Variants in FAM193A observed in about 807,000 individuals in gnomAD.
The protein encoded by FAM193A is protein FAM193A.
In FAM193A, 22 loss-of-function variants were observed where a neutral mutation model predicts 126.5. The observed-to-expected ratio is 0.17, with a 90% CI of 0.12 to 0.25. The LOEUF is 0.25. Among genes scored for constraint, FAM193A ranks in the 10% least tolerant of loss-of-function variants. The pLI is 1.00. For synonymous variants in FAM193A, 761 were observed against 646.8 expected, an observed-to-expected ratio of 1.18 and a Z score of -2.68; for missense variants, 1,675 against 1,672.8, an observed-to-expected ratio of 1.00 and a Z score of -0.02.
At chr4:2,681,474 C>G (rs1715112069) in intron 13 of FAM193A, among the ~76,000 whole-genome samples, 1 of 151,860 alleles carries the variant, frequency 6.6e-6, no homozygotes, top group Non-Finnish European at 1.5e-5. Flanking sequence ...GTTATTGAGA[C>G]AAAGCTTACT....
At chr4:2,647,153 CT>C (rs530200007) in intron 7 of FAM193A, among the ~76,000 whole-genome samples, 1 of 150,806 alleles carries the variant, frequency 6.6e-6, no homozygotes. Flanking sequence ...GGAGGTTTTT[CT>C]TTTTTTTTGA....
intron 2 of FAM193A, among the ~76,000 whole-genome samples, chr4:2,621,208 C>T (rs1289558983): frequency 1.3e-5 from 2 of 152,142 alleles, no homozygotes; most frequent in Admixed American, 6.6e-5. Flanking sequence ...GTAGTACCCT[C>T]CACCCATAGG....
chr4:2,638,487 T>C (rs563022813), intron 5 of FAM193A, among the ~76,000 whole-genome samples: 32 of 152,324 alleles, frequency 2.1e-4, no homozygotes, highest in African/African-American at 7.7e-4. Context: ...GGAGTGATGA[T>C]GTTTCAATCT....
intron 20 of FAM193A, among the ~76,000 whole-genome samples, chr4:2,725,346 G>A (rs574711286): frequency 4.0e-5 from 6 of 150,804 alleles, no homozygotes; most frequent in African/African-American, 1.5e-4. Context: ...TACCTGGGAA[G>A]CTCAGGTTGG....
intron 20 of FAM193A, among the ~76,000 whole-genome samples, chr4:2,727,839 AAAATGAAGT>A: frequency 6.6e-6 from 1 of 152,322 alleles, no homozygotes; most frequent in Non-Finnish European, 1.5e-5. Flanking sequence ...AGACTTTCTA[AAAATGAAGT>A]CTCAGTTCAG....
At chr4:2,709,110 T>C (rs1718640821) in intron 19 of FAM193A, among the ~76,000 whole-genome samples, 1 of 152,110 alleles carries the variant, frequency 6.6e-6, no homozygotes. Flanking sequence ...TCATTAGGAA[T>C]GGGTGTTATG....
chr4:2,700,385 C>A lies in FAM193A; in HGVS notation c.4213C>A (p.His1405Asn). 2 of 1,613,968 alleles carry A rather than the reference C, an allele frequency of 1.2e-6. No individual in the cohort carries two copies. Among genetic ancestry groups the A allele is most frequent in the Non-Finnish European group, 1.7e-6 (2 of 1,180,044 alleles). Residue 1405 changes from histidine to asparagine, a missense_variant, in exon 19 of 21, where the codon CAC becomes AAC. This residue lies in a region of FAM193A where 415 missense variants were observed against 396.7 expected (regional missense o/e 1.05). Coordinates refer to ENST00000637812, the MANE Select transcript of FAM193A (RefSeq NM_001366318.2). ...SNNNNKKQLN[H>N]IKDEKSNPTP... ...TAACAATAACAAAAAGCAGCTGAAC[C>A]ACATCAAGGACGAAAAGTCAAACCC...
intron 20 of FAM193A, among the ~76,000 whole-genome samples, chr4:2,727,827 AAAG>A (rs1720923891): frequency 2.0e-5 from 3 of 152,162 alleles, no homozygotes; most frequent in Non-Finnish European, 2.9e-5. Flanking sequence ...TTAAACCCCA[AAAG>A]ACTTTCTAAA....
At chr4:2,729,979 C>A (rs536927941) in intron 20 of FAM193A, among the ~76,000 whole-genome samples, 1 of 152,154 alleles carries the variant, frequency 6.6e-6, no homozygotes, top group Non-Finnish European at 1.5e-5. Flanking sequence ...CATCACAGCT[C>A]ACTGCAGCCT....
At chr4:2,646,237 T>G (rs1181934955) in intron 6 of FAM193A, among the ~76,000 whole-genome samples, 1 of 148,670 alleles carries the variant, frequency 6.7e-6, no homozygotes, top group Admixed American at 6.9e-5. Context: ...TGGTGTGATT[T>G]CGGCTCACTG....
At chr4:2,713,253 A>G (rs2109361215) in intron 19 of FAM193A, among the ~76,000 whole-genome samples, 1 of 150,380 alleles carries the variant, frequency 6.6e-6, no homozygotes, top group African/African-American at 2.4e-5. Context: ...TAAAAATACA[A>G]AAGTTAGCCA....
intron 1 of FAM193A, among the ~76,000 whole-genome samples, chr4:2,577,411 G>GT (rs67407606): frequency 0.012 from 1,242 of 101,750 alleles, 17 homozygotes; most frequent in African/African-American, 0.027. Flanking sequence ...AATTAAAGTG[G>GT]TTTTTTTTTT....
chr4:2,668,279 T>C (rs1478968643), intron 12 of FAM193A, among the ~76,000 whole-genome samples: 5 of 150,866 alleles, frequency 3.3e-5, no homozygotes, highest in African/African-American at 9.8e-5. Context: ...AGTGGCGCAA[T>C]CTTGGCTCAC....
chr4:2,541,209 G>C (rs1380733348), intron 1 of FAM193A, among the ~76,000 whole-genome samples: 1 of 151,984 alleles, frequency 6.6e-6, no homozygotes. Flanking sequence ...GGTGGAGATT[G>C]TCATGCCAGC....
chr4:2,673,738 A>T (rs770250491), intron 13 of FAM193A, among the ~76,000 whole-genome samples: 2 of 152,192 alleles, frequency 1.3e-5, no homozygotes, highest in Non-Finnish European at 2.9e-5. Flanking sequence ...CCAAGAAAAG[A>T]TAATATTCTG....
chr4:2,723,016 G>A (rs181765116), intron 20 of FAM193A, among the ~76,000 whole-genome samples: 143 of 152,316 alleles, frequency 9.4e-4, no homozygotes, highest in Middle Eastern at 3.4e-3. Flanking sequence ...GCTCGCACCT[G>A]TAATCCCAGC....
chr4:2,580,335 AG>A (rs1240057817), intron 1 of FAM193A, among the ~76,000 whole-genome samples: 1 of 152,066 alleles, frequency 6.6e-6, no homozygotes, highest in East Asian at 1.9e-4. Flanking sequence ...CAAAGGGTGG[AG>A]GGTGGGAGGA....
At chr4:2,657,216 C>G (rs1711812051) in intron 7 of FAM193A, among the ~76,000 whole-genome samples, 1 of 132,406 alleles carries the variant, frequency 7.6e-6, no homozygotes, top group Non-Finnish European at 1.7e-5. Context: ...CTTTCTCAAT[C>G]CTGATTTTTT....
chr4:2,592,478 TCAAA>T (rs1355942581), intron 1 of FAM193A, among the ~76,000 whole-genome samples: 2 of 152,196 alleles, frequency 1.3e-5, no homozygotes, highest in South Asian at 2.1e-4. Context: ...TCTTCCTGTC[TCAAA>T]CAGTGAAACA....
Sources: gnomAD v4.1 joint callset for allele counts (sites outside exome capture counted in the v4.1 genomes callset) on GRCh38, gnomAD v4.1.1 for gene constraint, gnomAD v4.1.1 regional missense constraint, MANE v1.5 for transcripts, NCBI Gene and HGNC (gene_info 2026-07-23, HGNC 2026-07-21) for gene names.